TAOK3: variants seen among roughly 807,000 people sequenced by gnomAD.
TAOK3 encodes TAO kinase 3, also known as serine/threonine-protein kinase TAO3.
TAOK3 carries 40 observed loss-of-function variants against 120.4 expected under a neutral mutation model. That is an observed-to-expected ratio of 0.33 (90% confidence interval 0.26 to 0.43). The LOEUF is 0.43. TAOK3 is among the 20% of genes least tolerant of loss of function. The probability of loss-of-function intolerance (pLI) is 1.00; values close to 1 mark genes in which losing one functional copy is unlikely to be tolerated. For synonymous variants in TAOK3, 355 were observed against 387.5 expected (o/e 0.92, Z 0.99); for missense variants, 821 against 1,112.1 (o/e 0.74, Z 3.72).
At chr12:118,215,467 G>A (rs897605450) in intron 9 of TAOK3, among the ~76,000 whole-genome samples, 2 of 151,704 alleles carry the variant, frequency 1.3e-5, no homozygotes, top group African/African-American at 4.8e-5. Context: ...AGCCAAGATC[G>A]CGCCACTGTA....
At chr12:118,318,524 C>G (rs1427721060) in intron 1 of TAOK3, among the ~76,000 whole-genome samples, 1 of 152,070 alleles carries the variant, frequency 6.6e-6, no homozygotes, top group African/African-American at 2.4e-5. Context: ...ATTAAAACCA[C>G]AAGGAGCTAC....
chr12:118,331,820 T>C (rs914842815), intron 1 of TAOK3, among the ~76,000 whole-genome samples: 6 of 151,508 alleles, frequency 4.0e-5, no homozygotes, highest in African/African-American at 1.2e-4. Context: ...ACATTACAAA[T>C]ACATGAATTT....
chr12:118,168,783 G>C (rs984191430), intron 17 of TAOK3, among the ~76,000 whole-genome samples: 30 of 152,100 alleles, frequency 2.0e-4, no homozygotes, highest in African/African-American at 7.0e-4. Context: ...TTATTGACAT[G>C]AATTGTCCCC....
At chr12:118,262,468 C>T (rs775156140) in intron 2 of TAOK3, among the ~76,000 whole-genome samples, 4 of 151,554 alleles carry the variant, frequency 2.6e-5, no homozygotes, top group African/African-American at 9.7e-5. Context: ...GGCGACAGGG[C>T]GAGACTCCAT....
At chr12:118,282,866 C>T (rs993085089) in intron 1 of TAOK3, among the ~76,000 whole-genome samples, 1 of 152,196 alleles carries the variant, frequency 6.6e-6, no homozygotes, top group African/African-American at 2.4e-5. Context: ...GATGGAATAT[C>T]GACCTGTACT....
chr12:118,243,352 AT>A, intron 5 of TAOK3, 62 bp downstream of exon 5: 2 of 850,872 alleles, frequency 2.4e-6, no homozygotes. Context: ...CAAATAGATA[AT>A]AGAAAAAAAA....
At chr12:118,278,754 G>A (rs1437915728) in intron 1 of TAOK3, among the ~76,000 whole-genome samples, 1 of 152,146 alleles carries the variant, frequency 6.6e-6, no homozygotes, top group African/African-American at 2.4e-5. Flanking sequence ...TACATTCCCA[G>A]CAGCAGTGTA....
chr12:118,362,259 C>T (rs542771533), intron 1 of TAOK3, among the ~76,000 whole-genome samples: 9 of 132,950 alleles, frequency 6.8e-5, no homozygotes, highest in East Asian at 2.2e-4. Context: ...TAATGAAAGA[C>T]GAAGAATTGT....
At chr12:118,157,699 C>T (rs2034936098) in intron 19 of TAOK3, among the ~76,000 whole-genome samples, 1 of 152,234 alleles carries the variant, frequency 6.6e-6, no homozygotes, top group Admixed American at 6.5e-5. Flanking sequence ...CTTCCATAAA[C>T]TCCATAAAGA....
Position 118,181,680 on chromosome 12 carries a change from G to A in TAOK3, c.1330-73C>T, listed in dbSNP as rs565280728. ...ACAAGCTTTCATGCAAAGTAGAACG[G>A]CCCTGTGGCATAATTTTATCCATCA... is the stretch of plus-strand genomic sequence containing the variant. On this transcript the variant is annotated intron_variant, in intron 14 of 20. Transcript: ENST00000392533. 80 of 1,294,170 alleles carry A rather than the reference G, an allele frequency of 6.2e-5. No homozygotes were observed. In the African/African-American group the frequency reaches 1.1e-3, roughly 18 times the overall value. 80.2% of individuals were successfully genotyped at this position (1,294,170 alleles called of 1,614,324 possible). A position where few individuals can be genotyped will look rare whatever the true frequency, so the allele number is the denominator to read the frequency against.
intron 11 of TAOK3, among the ~76,000 whole-genome samples, chr12:118,202,301 A>G (rs2038063699): frequency 6.6e-6 from 1 of 151,954 alleles, no homozygotes; most frequent in South Asian, 2.1e-4. Context: ...TATTTTGGCT[A>G]TAGAGAAAAA....
At chr12:118,267,111 T>C (rs1306733783) in intron 1 of TAOK3, among the ~76,000 whole-genome samples, 1 of 152,242 alleles carries the variant, frequency 6.6e-6, no homozygotes, top group Non-Finnish European at 1.5e-5. Flanking sequence ...GCTTCTATTT[T>C]GAATTGCTTT....
intron 7 of TAOK3, among the ~76,000 whole-genome samples, chr12:118,236,974 T>A (rs1218331617): frequency 6.6e-6 from 1 of 152,180 alleles, no homozygotes; most frequent in Non-Finnish European, 1.5e-5. Flanking sequence ...TAGCTTTAAA[T>A]GAGAGCAGGC....
chr12:118,245,188 A>G (rs2076287178), intron 3 of TAOK3, among the ~76,000 whole-genome samples: 1 of 152,076 alleles, frequency 6.6e-6, no homozygotes, highest in South Asian at 2.1e-4. Flanking sequence ...ACGCACCACC[A>G]TGCCACGCTA....
chr12:118,201,229 G>T, intron 12 of TAOK3, 67 bp downstream of exon 12: 2 of 1,428,564 alleles, frequency 1.4e-6, no homozygotes, highest in Non-Finnish European at 9.5e-7. Context: ...TTTTCATAGT[G>T]CCCAGTCTAG....
intron 11 of TAOK3, among the ~76,000 whole-genome samples, chr12:118,205,331 C>A (rs2038240059): frequency 6.6e-6 from 1 of 151,206 alleles, no homozygotes; most frequent in South Asian, 2.1e-4. Context: ...CAGGCCACTG[C>A]ACTCCAGCCT....
chr12:118,165,992 T>C (rs2035554557), intron 17 of TAOK3, among the ~76,000 whole-genome samples: 1 of 152,210 alleles, frequency 6.6e-6, no homozygotes, highest in Non-Finnish European at 1.5e-5. Flanking sequence ...TTATTCACCT[T>C]ATTATGAGGC....
intron 17 of TAOK3, among the ~76,000 whole-genome samples, chr12:118,169,606 C>T (rs895464582): frequency 3.9e-5 from 6 of 152,082 alleles, no homozygotes; most frequent in Admixed American, 6.5e-5. Flanking sequence ...CCAGCATGCC[C>T]GGCCTGAGTC....
At chr12:118,286,874 G>T (rs1008998495) in intron 1 of TAOK3, among the ~76,000 whole-genome samples, 1 of 152,194 alleles carries the variant, frequency 6.6e-6, no homozygotes, top group South Asian at 2.1e-4. Flanking sequence ...TATTTAATGG[G>T]ATACTCTCAG....
Sources: allele counts gnomAD v4.1 joint callset (sites outside exome capture counted in the v4.1 genomes callset), GRCh38; gene constraint gnomAD v4.1.1; transcripts MANE v1.5; gene names NCBI Gene and HGNC (gene_info 2026-07-23, HGNC 2026-07-21).